The following RNF19B variants were observed in gnomAD, a reference collection of about 807,000 sequenced individuals.
RNF19B encodes the protein ring finger protein 19B, also known as E3 ubiquitin-protein ligase RNF19B.
In RNF19B, 23 loss-of-function variants were observed where a neutral mutation model predicts 65.5. That is an observed-to-expected ratio of 0.35 (90% CI 0.25 to 0.50). The LOEUF is 0.50. Among genes scored for constraint, RNF19B ranks in the 20% least tolerant of loss-of-function variants. The pLI is 0.98. For missense variants in RNF19B, 794 were observed against 980.0 expected, an observed-to-expected ratio of 0.81 and a Z score of 2.53; for synonymous variants, 372 against 379.6, an observed-to-expected ratio of 0.98 and a Z score of 0.23.
Position 32,964,669 on chromosome 1 carries a change from T to C in RNF19B, c.17A>G (p.Asp6Gly), listed in dbSNP as rs1414598876. The part of the protein sequence containing the change: MGSEK[D>G]SESPRSTSLH... Reference sequence around the variant, plus strand: ...CGATGTGGAGCGCGGCGACTCGGAGTCCTTCTCGGAGCCCATGGCCGGCAG... The same window carrying C: ...CGATGTGGAGCGCGGCGACTCGGAGCCCTTCTCGGAGCCCATGGCCGGCAG... Residue 6 changes from aspartate to glycine, a missense_variant, in exon 1 of 9, where the codon GAC (aspartate) becomes GGC (glycine). Physicochemically the swap from Asp to Gly is moderately conservative, Grantham distance 94. Around this residue, in one of 3 missense-constraint regions of RNF19B, gnomAD observed 374 missense variants for 423.8 expected, o/e 0.88. Transcript: ENST00000235150. The surrounding 1 kb of genome is among the most constrained non-coding windows in gnomAD (Gnocchi z 6.5). 1 of 1,469,270 alleles carries C rather than the reference T, an allele frequency of 6.8e-7. No individual in the cohort carries two copies. The highest frequency in any genetic ancestry group is 2.4e-5 in the Admixed American group (1 of 40,826). 91.0% of individuals were successfully genotyped at this position (1,469,270 alleles called of 1,614,324 possible). A position where few individuals can be genotyped will look rare whatever the true frequency, so the allele number is the denominator to read the frequency against.
At position 32,938,420 on chromosome 1, in the gene RNF19B, G is replaced by C. The variant is rs1642159156; in HGVS notation, c.1719C>G (p.Ile573Met). 1 of 1,614,108 alleles carries C rather than the reference G, an allele frequency of 6.2e-7. No individual in the cohort carries two copies. The highest frequency in any genetic ancestry group is 1.1e-5 in the South Asian group (1 of 91,088). The change falls in exon 8 of 9, where the codon ATC (isoleucine) becomes ATG (methionine). Residue 573 changes from isoleucine (I) to methionine (M), a missense_variant. Ile to Met is a conservative substitution (Grantham distance 10). Coordinates refer to ENST00000235150, the MANE Select transcript of RNF19B (RefSeq NM_001300826.2). Reference sequence around the variant, plus strand: ...ACCTGTCCTGTGGGTTGTAGGAACTGATTATGGAACCGGCCATAGCACGAG... The same window carrying C: ...ACCTGTCCTGTGGGTTGTAGGAACTCATTATGGAACCGGCCATAGCACGAG... ...ASTRAMAGSI[I>M]SSYNPQDREC...
chr1:32,954,427 A>G (rs930238417), intron 1 of RNF19B, among the ~76,000 whole-genome samples: 17 of 151,806 alleles, frequency 1.1e-4, no homozygotes, highest in Non-Finnish European at 8.8e-5. Context: ...CTCATGCTGC[A>G]TGACATGAAG....
At chr1:32,940,960 A>C (rs1487514754) in intron 7 of RNF19B, among the ~76,000 whole-genome samples, 1 of 152,242 alleles carries the variant, frequency 6.6e-6, no homozygotes, top group African/African-American at 2.4e-5. Flanking sequence ...GCAATGGTTC[A>C]TGCCTATAAT....
At chr1:32,934,445 C>G (rs1267548159), downstream of RNF19B, among the ~76,000 whole-genome samples, 1 of 152,132 alleles carries the variant, frequency 6.6e-6, no homozygotes, top group Non-Finnish European at 1.5e-5. Context: ...CTTTAGGAGG[C>G]TGAGGTGGGG....
downstream of RNF19B, among the ~76,000 whole-genome samples, chr1:32,932,785 C>G (rs1642042529): frequency 6.6e-6 from 1 of 152,188 alleles, no homozygotes. Flanking sequence ...CTCCAGCTGT[C>G]TTTGACCTAA....
chr1:32,964,101 G>T lies in RNF19B; in HGVS notation c.585C>A (p.Arg195=). Reference sequence around the variant, plus strand: ...GGCAGTCGGGGTCCGAGGCTAGGTAGCGGCGCAGCATGAACTCCTCGTACT... The same window carrying T: ...GGCAGTCGGGGTCCGAGGCTAGGTATCGGCGCAGCATGAACTCCTCGTACT... ...MHKYEEFMLR[R]YLASDPDCRW... is the part of the protein sequence containing the mutation. The change falls in exon 1 of 9, where the codon CGC becomes CGA. Residue 195 remains arginine, a synonymous_variant. Coordinates refer to ENST00000235150, the MANE Select transcript of RNF19B (RefSeq NM_001300826.2). The surrounding 1 kb of genome is among the most constrained non-coding windows in gnomAD (Gnocchi z 6.5). 6.5e-7 allele frequency: 1 copy of T among 1,530,808 alleles called. No homozygotes were observed. The highest frequency in any genetic ancestry group is 1.2e-5 in the South Asian group (1 of 82,230). 94.8% of individuals were successfully genotyped at this position (1,530,808 alleles called of 1,614,324 possible). A position where few individuals can be genotyped will look rare whatever the true frequency, so the allele number is the denominator to read the frequency against.
At position 32,955,048 on chromosome 1, in the gene RNF19B, C is replaced by T. The variant is rs114677089; in HGVS notation, c.636-5274G>A. 3.1e-3 allele frequency among the ~76,000 whole-genome samples: 475 copies of T among 152,180 alleles called. 3 individuals are homozygous for T. Among genetic ancestry groups the T allele is most frequent in the African/African-American group, 0.011 (445 of 41,524 alleles). ...TCTCTAGGCAGCTCGTTGCCTACTT[C>T]GTGGGTGTGCACAATTATTTTATAA... On this transcript the variant is annotated intron_variant, in intron 1 of 8. Transcript: ENST00000235150.
At position 32,952,359 on chromosome 1, in the gene RNF19B, T is replaced by G. The variant is rs1642522991; in HGVS notation, c.636-2585A>C. On this transcript the variant is annotated intron_variant, in intron 1 of 8. Coordinates refer to ENST00000235150, the MANE Select transcript of RNF19B (RefSeq NM_001300826.2). ...CTGTAATCTCAGCACTTTGGGAGGC[T>G]GAGGCAGGAAGATCGCTTGAGGCCA... is the stretch of plus-strand genomic sequence containing the variant. Among the ~76,000 whole-genome samples the G allele has an allele frequency of 2.8e-5, 4 of 144,268 alleles. No homozygotes were observed. In the South Asian group the frequency reaches 8.5e-4, roughly 31 times the overall value. The allele number at this position is 144,268 out of a possible 152,430, so 94.6% of individuals were successfully genotyped here. A position where few individuals can be genotyped will look rare whatever the true frequency, so the allele number is the denominator to read the frequency against.
chr1:32,958,740 G>T (rs987350295), intron 1 of RNF19B, among the ~76,000 whole-genome samples: 7 of 151,924 alleles, frequency 4.6e-5, no homozygotes, highest in Non-Finnish European at 1.0e-4. Context: ...AAAGATGGTT[G>T]GAAACTGTAA....
chr1:32,961,334 C>T (rs946469731), intron 1 of RNF19B, among the ~76,000 whole-genome samples: 2 of 152,136 alleles, frequency 1.3e-5, no homozygotes, highest in South Asian at 2.1e-4. Context: ...CTCAATAATG[C>T]GGCTATGTTG....
chr1:32,944,755 C>A (rs1416954815), intron 5 of RNF19B, among the ~76,000 whole-genome samples: 1 of 151,780 alleles, frequency 6.6e-6, no homozygotes, highest in African/African-American at 2.4e-5. Context: ...GTGGCACGAT[C>A]TCGGCTCACT....
At chr1:32,942,068 G>A (rs1298337654) in intron 7 of RNF19B, among the ~76,000 whole-genome samples, 184 bp downstream of exon 7, 1 of 152,200 alleles carries the variant, frequency 6.6e-6, no homozygotes, top group Non-Finnish European at 1.5e-5. Flanking sequence ...TGGCACTCCA[G>A]CCTGAGCCAC....
intron 7 of RNF19B, among the ~76,000 whole-genome samples, chr1:32,939,693 T>G (rs1342515185): frequency 2.6e-5 from 4 of 152,220 alleles, no homozygotes; most frequent in Non-Finnish European, 5.9e-5. Flanking sequence ...TCAGAGCCCA[T>G]AACTATTGCC....
rs771273704 is a variant in RNF19B, at chr1:32,936,887, G to C, written c.2115C>G (p.Ser705Arg). 1.4e-5 allele frequency: 22 copies of C among 1,613,516 alleles called. No individual in the cohort carries two copies. In the South Asian group the frequency reaches 2.4e-4, roughly 18 times the overall value. The change falls in exon 9 of 9, where the codon AGC becomes AGG. Residue 705 changes from serine to arginine, a missense_variant. Physicochemically the swap from Ser to Arg is moderately radical, Grantham distance 110. Transcript: ENST00000235150. ...PSTPRAQGAP[S>R]PSAHMNLSAL... ...CAGAGAGGTTCATATGGGCACTTGG[G>C]CTCGGTGCACCTTGGGCTCTGGGGG...
intron 1 of RNF19B, among the ~76,000 whole-genome samples, chr1:32,953,738 A>G (rs1247245922): frequency 6.6e-6 from 1 of 151,964 alleles, no homozygotes; most frequent in African/African-American, 2.4e-5. Flanking sequence ...GTTATTTTGC[A>G]TTAAATGGGA....
Position 32,946,375 on chromosome 1 carries a change from G to A in RNF19B, c.1146+27C>T, listed in dbSNP as rs750922969. 2.7e-5 allele frequency: 43 copies of A among 1,606,822 alleles called. 1 individual carries two copies. Among genetic ancestry groups the A allele is most frequent in the Non-Finnish European group, 1.3e-5 (15 of 1,175,102 alleles). ...ACTAACGAACCTAAAGTTGAAACAA[G>A]CACAGAAACCAGCATGTCTTTCTTA... On this transcript the variant is annotated intron_variant, in intron 4 of 8. Coordinates refer to ENST00000235150, the MANE Select transcript of RNF19B (RefSeq NM_001300826.2).
rs767772345 is a variant in RNF19B at position 32,945,518 on chromosome 1, A to G, written c.1257T>C (p.Ser419=). 6.2e-7 allele frequency: 1 copy of G among 1,601,972 alleles called. No homozygotes were observed. The highest frequency in any genetic ancestry group is 2.2e-5 in the East Asian group (1 of 44,812). ...VIASPVIAAV[S]VGIGVPIMLA... is the part of the protein sequence containing the mutation. ...GTGTGGTCCTGACTAGCTTACCAAC[A>G]CTAACTGCAGCAATAACTGGGGATG... Residue 419 remains serine (S), a synonymous_variant, in exon 5 of 9, where the codon AGT becomes AGC. Coordinates refer to ENST00000235150, the MANE Select transcript of RNF19B (RefSeq NM_001300826.2).
At chr1:32,948,435 AG>A in intron 2 of RNF19B, 72 bp from the exon 3 acceptor site, 2 of 1,508,114 alleles carry the variant, frequency 1.3e-6, no homozygotes, top group Non-Finnish European at 1.8e-6. Flanking sequence ...AATTGTTCCT[AG>A]GAGTATATAT....
intron 1 of RNF19B, among the ~76,000 whole-genome samples, chr1:32,953,885 C>T (rs1483468656): frequency 3.3e-5 from 5 of 150,882 alleles, no homozygotes; most frequent in East Asian, 1.9e-4. Flanking sequence ...TATTAACATT[C>T]CCCCAGCCCC....
Sources: gnomAD v4.1 joint callset for allele counts (sites outside exome capture counted in the v4.1 genomes callset) on GRCh38, gnomAD v4.1.1 for gene constraint, gnomAD v4.1.1 regional missense constraint, Gnocchi (gnomAD v3.1) non-coding constraint, MANE v1.5 for transcripts, NCBI Gene and HGNC (gene_info 2026-07-23, HGNC 2026-07-21) for gene names.